The following TET3 variants were observed in gnomAD, a reference collection of about 807,000 sequenced individuals.
TET3 encodes the protein tet methylcytosine dioxygenase 3.
In TET3, 19 loss-of-function variants were observed where a neutral mutation model predicts 141.4. The ratio of observed to expected loss-of-function variants is 0.13; its 90% CI spans 0.09 to 0.20. The LOEUF is 0.20. Ranked by LOEUF, TET3 falls within the 10% of genes least tolerant of loss-of-function variation. The pLI is 1.00. For synonymous variants in TET3, 1,043 were observed against 980.9 expected (o/e 1.06, Z -1.18); for missense variants, 1,874 against 2,356.9 (o/e 0.80, Z 4.24).
At chr2:73,983,711 G>A (rs1020528099), upstream of TET3, among the ~76,000 whole-genome samples, 14 of 152,314 alleles carry the variant, frequency 9.2e-5, no homozygotes, top group East Asian at 2.7e-3. Context: ...TGGCTAAGCT[G>A]TTAGCTGCAG....
intron 2 of TET3, among the ~76,000 whole-genome samples, chr2:73,987,894 T>C (rs1317484168): frequency 6.6e-6 from 1 of 152,148 alleles, no homozygotes; most frequent in Non-Finnish European, 1.5e-5. Context: ...GTGCAGAGCC[T>C]CACAGCGAGC....
At chr2:74,127,388 C>T in the TET3 span, among the ~76,000 whole-genome samples, 92 of 152,236 alleles carry the variant, frequency 6.0e-4, no homozygotes, top group Non-Finnish European at 5.1e-4. Flanking sequence ...TTAATAAAGC[C>T]TCTCATCTTG....
At chr2:74,089,573 A>G (rs184592427) in intron 7 of TET3, among the ~76,000 whole-genome samples, 32 of 152,340 alleles carry the variant, frequency 2.1e-4, no homozygotes, top group Non-Finnish European at 4.3e-4. Flanking sequence ...TGGTTAAGAT[A>G]TTAAGTTAAG....
In TET3 at chr2:74,104,832, G is replaced by C. The variant is rs7603655; in HGVS notation, c.*2656G>C. 1 of 227,722 alleles carries C rather than the reference G, an allele frequency of 4.4e-6. No individual in the cohort carries two copies. Among genetic ancestry groups the C allele is most frequent in the East Asian group, 9.0e-5 (1 of 11,092 alleles). The allele number at this position is 227,722 out of a possible 1,614,324, so 14.1% of individuals were successfully genotyped here. A position where few individuals can be genotyped will look rare whatever the true frequency, so the allele number is the denominator to read the frequency against. Reference sequence around the variant, plus strand: ...TGGTTCATCAGTTTCTGCAGTAGGAGATAGGCTGCTGAGAGGTGAGTCAAG... The same window carrying C: ...TGGTTCATCAGTTTCTGCAGTAGGACATAGGCTGCTGAGAGGTGAGTCAAG... On this transcript the variant is annotated 3_prime_UTR_variant, in exon 12 of 12. Transcript: ENST00000409262.
Position 74,032,505 on chromosome 2 carries a change from G to A in TET3, c.361-13773G>A, listed in dbSNP as rs1403785960. ...TGTGTGTGTGTGTGTGTGTGTGTGTGTGTTAGGGGAGTTGAGGCCCTTGCT... is the reference window on the plus strand; with the variant it reads ...TGTGTGTGTGTGTGTGTGTGTGTGTATGTTAGGGGAGTTGAGGCCCTTGCT... On this transcript the variant is annotated intron_variant, in intron 3 of 11. Transcript: ENST00000409262. Among the ~76,000 whole-genome samples, 6 of 100,100 alleles carry A rather than the reference G, an allele frequency of 6.0e-5. 1 individual carries two copies. The highest frequency in any genetic ancestry group is 1.2e-4 in the Non-Finnish European group (6 of 49,530). The allele number at this position is 100,100 out of a possible 152,430, so 65.7% of individuals were successfully genotyped here.
chr2:74,054,802 C>A (rs534079748), intron 4 of TET3, among the ~76,000 whole-genome samples: 1 of 152,326 alleles, frequency 6.6e-6, no homozygotes, highest in Admixed American at 6.5e-5. Context: ...ATGCTGGATT[C>A]TTTCTTGTCT....
chr2:73,984,449 A>G (rs1683891445), upstream of TET3, among the ~76,000 whole-genome samples: 1 of 152,126 alleles, frequency 6.6e-6, no homozygotes, highest in Admixed American at 6.5e-5. The surrounding 1 kb of genome is among the most constrained non-coding windows in gnomAD (Gnocchi z 5.6). Flanking sequence ...CAGCTGGGAC[A>G]GGGGGGTCAG....
Position 74,105,048 on chromosome 2 carries a change from C to A in TET3, c.*2872C>A, listed in dbSNP as rs1691422866. 2.5e-5 allele frequency: 10 copies of A among 397,668 alleles called. No homozygotes were observed. The highest frequency in any genetic ancestry group is 6.2e-4 in the Middle Eastern group (1 of 1,610). The allele number at this position is 397,668 out of a possible 1,614,324, so 24.6% of individuals were successfully genotyped here. ...AACTATGCACAGCTCTTTATCCCCC[C>A]CTTGCTGCTGAAGCTTTCTTAAAGA... is the stretch of plus-strand genomic sequence containing the variant. On this transcript the variant is annotated 3_prime_UTR_variant, in exon 12 of 12. Coordinates refer to ENST00000409262, the MANE Select transcript of TET3 (RefSeq NM_001287491.2).
intron 4 of TET3, among the ~76,000 whole-genome samples, 155 bp downstream of exon 4, chr2:74,048,566 A>C (rs1339007186): frequency 6.6e-6 from 1 of 152,232 alleles, no homozygotes; most frequent in Non-Finnish European, 1.5e-5. Flanking sequence ...AGCCTAGTGG[A>C]AAAGACATTG....
intron 2 of TET3, chr2:73,993,673 G>C (rs1206594429): frequency 6.6e-6 from 1 of 152,046 alleles, no homozygotes; most frequent in Admixed American, 6.6e-5. Context: ...TGTTCTTCTG[G>C]CATTTGTTTC....
At chr2:74,052,040 C>T (rs1206289892) in intron 4 of TET3, among the ~76,000 whole-genome samples, 2 of 152,212 alleles carry the variant, frequency 1.3e-5, no homozygotes, top group East Asian at 1.9e-4. Flanking sequence ...AGTGCAGTGG[C>T]GTGATCTTGG....
At chr2:74,022,412 GT>G (rs912330176) in intron 3 of TET3, among the ~76,000 whole-genome samples, 2 of 149,040 alleles carry the variant, frequency 1.3e-5, no homozygotes, top group African/African-American at 4.9e-5. Flanking sequence ...TGTTTGGGGG[GT>G]TTTTTGTTTG....
intron 3 of TET3, among the ~76,000 whole-genome samples, chr2:74,043,017 C>A (rs1334487782): frequency 1.3e-5 from 2 of 152,170 alleles, no homozygotes; most frequent in Admixed American, 1.3e-4. Context: ...ATTCACACAC[C>A]AAAAATAACT....
At chr2:74,115,272 C>A in the TET3 span, among the ~76,000 whole-genome samples, 2 of 152,092 alleles carry the variant, frequency 1.3e-5, no homozygotes, top group Non-Finnish European at 2.9e-5. Flanking sequence ...AAAAACGAAA[C>A]AATGCTATTT....
At chr2:74,127,694 G>GT in the TET3 span, among the ~76,000 whole-genome samples, 32,574 of 147,886 alleles carry the variant, frequency 0.22, 4,453 homozygotes, top group Middle Eastern at 0.33. Flanking sequence ...ATTCTGTGAG[G>GT]TTTTTTTTTT....
intron 6 of TET3, among the ~76,000 whole-genome samples, chr2:74,085,255 C>T (rs1209222525): frequency 2.0e-5 from 3 of 152,076 alleles, no homozygotes; most frequent in Non-Finnish European, 4.4e-5. Flanking sequence ...ATTAGCCTCA[C>T]TGGGCTGGAA....
intron 3 of TET3, among the ~76,000 whole-genome samples, chr2:74,038,567 C>T (rs553090667): frequency 3.3e-5 from 5 of 152,234 alleles, no homozygotes; most frequent in African/African-American, 1.2e-4. Context: ...CTTTGCAGAC[C>T]TCTACCATGT....
chr2:74,026,998 C>T (rs747249150), intron 3 of TET3, among the ~76,000 whole-genome samples: 139 of 152,344 alleles, frequency 9.1e-4, no homozygotes, highest in Non-Finnish European at 1.4e-3. Flanking sequence ...CTTTCTTTGA[C>T]GGAAAAGGGA....
chr2:74,062,017 G>A (rs1297188374), intron 4 of TET3, among the ~76,000 whole-genome samples: 1 of 151,278 alleles, frequency 6.6e-6, no homozygotes, highest in Non-Finnish European at 1.5e-5. Context: ...CCCAGACGGG[G>A]TGGCGGCCGG....
Sources: gnomAD v4.1 joint callset for allele counts (sites outside exome capture counted in the v4.1 genomes callset) on GRCh38, gnomAD v4.1.1 for gene constraint, Gnocchi (gnomAD v3.1) non-coding constraint, MANE v1.5 for transcripts, NCBI Gene and HGNC (gene_info 2026-07-23, HGNC 2026-07-21) for gene names.